The following DLC1 variants were observed in gnomAD, a reference collection of about 807,000 sequenced individuals.
The protein encoded by DLC1 is rho GTPase-activating protein 7.
In DLC1, 54 loss-of-function variants were observed where a neutral mutation model predicts 140.3. The observed-to-expected ratio is 0.38, with a 90% CI of 0.31 to 0.48. The LOEUF (loss-of-function observed/expected upper bound fraction) is 0.48. DLC1 is among the 20% of genes least tolerant of loss of function. DLC1 has a pLI of 0.96. For synonymous variants in DLC1, 986 were observed against 728.1 expected (o/e 1.35, Z -5.70); for missense variants, 2,536 against 1,907.0 (o/e 1.33, Z -6.14).
At chr8:13,589,701 T>C (rs1805451681) in intron 1 of DLC1, among the ~76,000 whole-genome samples, 4 of 144,814 alleles carry the variant, frequency 2.8e-5, no homozygotes, top group Non-Finnish European at 6.1e-5. Flanking sequence ...TTTTTTTTTT[T>C]CACAGATTTA....
intron 5 of DLC1, among the ~76,000 whole-genome samples, chr8:13,127,965 C>T (rs761593215): frequency 1.1e-4 from 17 of 151,980 alleles, no homozygotes; most frequent in Non-Finnish European, 1.0e-4. Context: ...GGGGTAGACA[C>T]CAAAAGGCAC....
intron 5 of DLC1, among the ~76,000 whole-genome samples, chr8:13,283,926 G>A (rs1319767032): frequency 1.3e-5 from 2 of 152,114 alleles, no homozygotes; most frequent in Admixed American, 1.3e-4. Context: ...ATCTGCAGAG[G>A]GGTCTTCCCA....
intron 1 of DLC1, among the ~76,000 whole-genome samples, chr8:13,533,602 A>G (rs1177499664): frequency 2.0e-5 from 3 of 152,182 alleles, no homozygotes; most frequent in Non-Finnish European, 4.4e-5. Flanking sequence ...TCCTTGGGAA[A>G]CTGACAGGTG....
At chr8:13,595,810 T>C (rs559020415) in intron 1 of DLC1, among the ~76,000 whole-genome samples, 1 of 152,170 alleles carries the variant, frequency 6.6e-6, no homozygotes, top group East Asian at 1.9e-4. Flanking sequence ...CAGTACATTA[T>C]TTTTTCTTGT....
chr8:13,298,609 G>GT (rs1383337012), intron 5 of DLC1, among the ~76,000 whole-genome samples: 5 of 152,144 alleles, frequency 3.3e-5, no homozygotes, highest in Non-Finnish European at 2.9e-5. Context: ...TAATAAAACT[G>GT]TAACAGAAAA....
At chr8:13,413,296 A>C (rs28642075) in intron 2 of DLC1, among the ~76,000 whole-genome samples, 58,689 of 116,424 alleles carry the variant, frequency 0.5, 14,780 homozygotes, top group Non-Finnish European at 0.58. Context: ...AACTATCGTT[A>C]GTGTTAGTGT....
rs571287802 is a variant in DLC1 at position 13,170,645 on chromosome 8, G to A, written c.1349-54988C>T. On this transcript the variant is annotated intron_variant, in intron 5 of 17. Coordinates refer to ENST00000276297, the MANE Select transcript of DLC1 (RefSeq NM_182643.3). ...GTCGGGAGGCTGAGGCAGGAGAATG[G>A]CGTGAACCCGGGAGGCGGAGCTTGC... 4.0e-5 allele frequency among the ~76,000 whole-genome samples: 6 copies of A among 151,410 alleles called. No homozygotes were observed. The East Asian group carries it at 1.2e-3, about 30-fold the overall frequency.
chr8:13,353,947 T>C (rs538452976), intron 4 of DLC1, among the ~76,000 whole-genome samples: 4 of 152,320 alleles, frequency 2.6e-5, no homozygotes, highest in Non-Finnish European at 5.9e-5. Flanking sequence ...TCAGTGATGG[T>C]TGAAAGTGAA....
At chr8:13,412,553 G>A (rs1377074698) in intron 2 of DLC1, among the ~76,000 whole-genome samples, 1 of 152,040 alleles carries the variant, frequency 6.6e-6, no homozygotes, top group African/African-American at 2.4e-5. Context: ...TCATTTCTTG[G>A]ATCACAATGC....
chr8:13,577,101 A>G (rs1032043231), intron 1 of DLC1, among the ~76,000 whole-genome samples: 1 of 152,166 alleles, frequency 6.6e-6, no homozygotes, highest in African/African-American at 2.4e-5. Context: ...ATGGGGCACC[A>G]TTAATTCTTT....
At chr8:13,108,466 C>T (rs1486005823) in intron 7 of DLC1, among the ~76,000 whole-genome samples, 2 of 152,164 alleles carry the variant, frequency 1.3e-5, no homozygotes, top group African/African-American at 2.4e-5. Context: ...CAGACTTATT[C>T]GCTTCAGAGA....
intron 5 of DLC1, among the ~76,000 whole-genome samples, chr8:13,239,723 C>G (rs543136258): frequency 6.6e-6 from 1 of 152,298 alleles, no homozygotes; most frequent in African/African-American, 2.4e-5. Context: ...TGTTCTCCAA[C>G]TTCAAAGGAG....
chr8:13,486,003 C>T (rs775999862), intron 2 of DLC1, among the ~76,000 whole-genome samples: 2 of 152,192 alleles, frequency 1.3e-5, no homozygotes, highest in Non-Finnish European at 2.9e-5. Context: ...TTGCTCATGG[C>T]ATGGGACTTG....
chr8:13,480,291 T>C (rs1800665349), intron 2 of DLC1, among the ~76,000 whole-genome samples: 1 of 152,184 alleles, frequency 6.6e-6, no homozygotes, highest in African/African-American at 2.4e-5. Context: ...GTGATTAAGT[T>C]ATTCAGGGAG....
intron 2 of DLC1, among the ~76,000 whole-genome samples, chr8:13,406,516 T>C (rs1585053284): frequency 6.6e-6 from 1 of 152,312 alleles, no homozygotes; most frequent in African/African-American, 2.4e-5. Flanking sequence ...AATAGCAGTG[T>C]CTTTATTCCA....
chr8:13,556,683 C>A (rs1316128628), intron 1 of DLC1, among the ~76,000 whole-genome samples: 3 of 152,158 alleles, frequency 2.0e-5, no homozygotes, highest in African/African-American at 7.2e-5. Context: ...GACAGGACTG[C>A]TCTTTTCTGA....
chr8:13,104,146 C>A (rs537134487), intron 7 of DLC1, among the ~76,000 whole-genome samples: 39 of 152,066 alleles, frequency 2.6e-4, no homozygotes, highest in Admixed American at 1.0e-3. Flanking sequence ...GTGCTATAGT[C>A]ACGGCAAATG....
chr8:13,404,561 T>A (rs1837442065), intron 2 of DLC1, among the ~76,000 whole-genome samples: 1 of 152,306 alleles, frequency 6.6e-6, no homozygotes, highest in Middle Eastern at 3.4e-3. Flanking sequence ...ACACATTTTA[T>A]TTTTTAAATA....
intron 5 of DLC1, among the ~76,000 whole-genome samples, chr8:13,211,385 G>T (rs1357119480): frequency 6.6e-6 from 1 of 152,076 alleles, no homozygotes; most frequent in East Asian, 1.9e-4. Flanking sequence ...GGGTAGCCCT[G>T]CTCTGTCTAT....
Sources: gnomAD v4.1 joint callset for allele counts (sites outside exome capture counted in the v4.1 genomes callset) on GRCh38, gnomAD v4.1.1 for gene constraint, MANE v1.5 for transcripts, NCBI Gene and HGNC (gene_info 2026-07-23, HGNC 2026-07-21) for gene names.